The following CSNK1G1 variants were observed in gnomAD, a reference collection of about 807,000 sequenced individuals.
CSNK1G1 encodes casein kinase 1 gamma 1.
A neutral mutation model predicts 59.6 loss-of-function variants in CSNK1G1; 22 were observed. The ratio of observed to expected loss-of-function variants is 0.37; its 90% CI spans 0.26 to 0.53. The LOEUF (loss-of-function observed/expected upper bound fraction) is 0.53, where lower values mean the gene tolerates loss of function less well. CSNK1G1 is among the 20% of genes least tolerant of loss of function. The probability of loss-of-function intolerance (pLI) is 0.89; values close to 1 mark genes in which losing one functional copy is unlikely to be tolerated. For missense variants in CSNK1G1, 384 were observed against 519.5 expected, an observed-to-expected ratio of 0.74 and a Z score of 2.54; for synonymous variants, 179 against 177.1, an observed-to-expected ratio of 1.01 and a Z score of -0.08.
intron 4 of CSNK1G1, among the ~76,000 whole-genome samples, chr15:64,239,083 A>G (rs1052093391): frequency 3.3e-5 from 5 of 152,136 alleles, no homozygotes; most frequent in African/African-American, 1.2e-4. Flanking sequence ...CACTAAACCT[A>G]CCTGCACACA....
intron 2 of CSNK1G1, among the ~76,000 whole-genome samples, chr15:64,273,010 C>A (rs763528231): frequency 2.0e-5 from 3 of 152,166 alleles, no homozygotes; most frequent in Non-Finnish European, 4.4e-5. Flanking sequence ...GGCCTTAACT[C>A]TTGTTTTTAT....
intron 10 of CSNK1G1, chr15:64,193,829 T>C (rs1224859504): frequency 6.6e-6 from 1 of 152,128 alleles, no homozygotes; most frequent in Non-Finnish European, 1.5e-5. Flanking sequence ...GATACCTCCC[T>C]AGGAAATGTT....
At chr15:64,269,242 T>A (rs1893148796) in intron 2 of CSNK1G1, among the ~76,000 whole-genome samples, 1 of 152,180 alleles carries the variant, frequency 6.6e-6, no homozygotes, top group Admixed American at 6.5e-5. Flanking sequence ...TTTGAAACAG[T>A]TTCAGTAGAA....
At position 64,294,892 on chromosome 15, in the gene CSNK1G1, A is replaced by G. The variant is rs186287589; in HGVS notation, c.181+5427T>C. On this transcript the variant is annotated intron_variant, in intron 2 of 11. Coordinates refer to ENST00000303052, the MANE Select transcript of CSNK1G1 (RefSeq NM_022048.5). Reference sequence around the variant, plus strand: ...GTGCCATTGCACTCCAGCCTGGACAACAAGAGTGAAACTTCGTCTCAAAAA... The same window carrying G: ...GTGCCATTGCACTCCAGCCTGGACAGCAAGAGTGAAACTTCGTCTCAAAAA... Among the ~76,000 whole-genome samples the G allele has an allele frequency of 1.0e-3, 152 of 148,256 alleles. 2 individuals carry two copies. The highest frequency in any genetic ancestry group is 3.6e-3 in the African/African-American group (145 of 39,900).
intron 1 of CSNK1G1, among the ~76,000 whole-genome samples, chr15:64,346,438 ATTTATTT>A (rs1367805413): frequency 4.9e-5 from 7 of 143,310 alleles, no homozygotes; most frequent in African/African-American, 1.6e-4. Flanking sequence ...TTATTTATTT[ATTTATTT>A]ATTTATTTAT....
intron 1 of CSNK1G1, among the ~76,000 whole-genome samples, chr15:64,330,739 C>T (rs1897076187): frequency 1.5e-5 from 1 of 65,906 alleles, no homozygotes; most frequent in Non-Finnish European, 3.0e-5. Context: ...TCAAATTGTC[C>T]CTGTTTGCAG....
intron 2 of CSNK1G1, among the ~76,000 whole-genome samples, chr15:64,290,331 A>T (rs1443024046): frequency 6.6e-6 from 1 of 150,468 alleles, no homozygotes; most frequent in African/African-American, 2.5e-5. Context: ...ACATACACAT[A>T]CACACACACA....
intron 4 of CSNK1G1, among the ~76,000 whole-genome samples, chr15:64,217,753 T>C (rs751893748): frequency 7.3e-5 from 11 of 150,980 alleles, no homozygotes; most frequent in Non-Finnish European, 1.5e-4. Flanking sequence ...GAGGCGGAGG[T>C]TGCAGTGAGC....
intron 2 of CSNK1G1, among the ~76,000 whole-genome samples, chr15:64,264,522 T>A (rs1747479412): frequency 1.3e-5 from 2 of 152,212 alleles, no homozygotes; most frequent in African/African-American, 4.8e-5. Flanking sequence ...TCTAAACTTA[T>A]TCTGAGTCCA....
intron 5 of CSNK1G1, among the ~76,000 whole-genome samples, chr15:64,215,863 T>C (rs984936894): frequency 6.6e-6 from 1 of 152,228 alleles, no homozygotes; most frequent in Non-Finnish European, 1.5e-5. Context: ...CAATGGGTTA[T>C]AACATCAATC....
At chr15:64,263,807 T>C (rs1027036351) in intron 2 of CSNK1G1, among the ~76,000 whole-genome samples, 2 of 138,386 alleles carry the variant, frequency 1.4e-5, no homozygotes, top group Non-Finnish European at 3.1e-5. Flanking sequence ...TGTGGTTTTA[T>C]GCCTTTTTGT....
chr15:64,272,572 T>C (rs1312966003), intron 2 of CSNK1G1, among the ~76,000 whole-genome samples: 1 of 152,212 alleles, frequency 6.6e-6, no homozygotes, highest in African/African-American at 2.4e-5. Flanking sequence ...AAGGCTAGTA[T>C]TGATAGGTAT....
chr15:64,229,374 T>A (rs1050526271), intron 4 of CSNK1G1, among the ~76,000 whole-genome samples: 1 of 152,186 alleles, frequency 6.6e-6, no homozygotes, highest in Non-Finnish European at 1.5e-5. Context: ...ATCCCGAGGA[T>A]GCCACAAGCC....
At chr15:64,265,788 G>C (rs887553735) in intron 2 of CSNK1G1, 12 of 456,274 alleles carry the variant, frequency 2.6e-5, no homozygotes, top group African/African-American at 6.0e-5. Context: ...ATATCCATTG[G>C]AAGAAAATTG....
At chr15:64,317,530 CTTT>C (rs57192493) in intron 1 of CSNK1G1, among the ~76,000 whole-genome samples, 87 of 140,666 alleles carry the variant, frequency 6.2e-4, no homozygotes, top group African/African-American at 2.2e-3. Flanking sequence ...TAAGGTTTCT[CTTT>C]TTTTTTTTTT....
At position 64,167,452 on chromosome 15, in the gene CSNK1G1, G is replaced by A. The variant is rs1030178191; in HGVS notation, c.*4479C>T. On this transcript the variant is annotated 3_prime_UTR_variant, in exon 12 of 12. Transcript: ENST00000303052. Reference sequence around the variant, plus strand: ...TCGACCTCTAGACAGGACTTCCCTGGAGTCTGCAAAAGCAAGAACCCGAGA... The same window carrying A: ...TCGACCTCTAGACAGGACTTCCCTGAAGTCTGCAAAAGCAAGAACCCGAGA... 2 of 152,650 alleles carry A rather than the reference G, an allele frequency of 1.3e-5. No individual in the cohort carries two copies. Among genetic ancestry groups the A allele is most frequent in the African/African-American group, 4.8e-5 (2 of 41,454 alleles). 9.5% of individuals were successfully genotyped at this position (152,650 alleles called of 1,614,324 possible).
chr15:64,270,612 T>A (rs2140348244), intron 2 of CSNK1G1, among the ~76,000 whole-genome samples: 1 of 152,056 alleles, frequency 6.6e-6, no homozygotes, highest in Non-Finnish European at 1.5e-5. Context: ...ACAAAAAAAT[T>A]AGCCGGGCGT....
intron 6 of CSNK1G1, among the ~76,000 whole-genome samples, chr15:64,208,685 A>T (rs547749471): frequency 3.2e-4 from 48 of 152,202 alleles, no homozygotes; most frequent in African/African-American, 1.1e-3. Flanking sequence ...GTGTGGAACC[A>T]CACTCGGCTA....
chr15:64,229,902 ATTTTTTTTTTTTTTTTT>A lies in CSNK1G1; in HGVS notation c.293-13206_293-13190del, dbSNP rs533868270. The stretch of plus-strand genomic sequence containing the variant: ...CCTATATTTTTGGGCATGTTTGTAA[ATTTTTTTTTTTTTTTTT>A]TTTTTTTTTTTTTTTTTTTTAAGAC... On this transcript the variant is annotated intron_variant, in intron 4 of 11. Coordinates refer to ENST00000303052, the MANE Select transcript of CSNK1G1 (RefSeq NM_022048.5). Among the ~76,000 whole-genome samples, 43 of 43,806 alleles carry A rather than the reference ATTTTTTTTTTTTTTTTT, an allele frequency of 9.8e-4. 1 individual carries two copies. The highest frequency in any genetic ancestry group is 7.0e-3 in the South Asian group (6 of 854). The allele number at this position is 43,806 out of a possible 152,430, so 28.7% of individuals were successfully genotyped here. A position where few individuals can be genotyped will look rare whatever the true frequency, so the allele number is the denominator to read the frequency against.
Sources: allele counts gnomAD v4.1 joint callset (sites outside exome capture counted in the v4.1 genomes callset), GRCh38; gene constraint gnomAD v4.1.1; transcripts MANE v1.5; gene names NCBI Gene and HGNC (gene_info 2026-07-23, HGNC 2026-07-21).